Variants in DAPK2 observed in about 807,000 individuals in gnomAD.
The protein encoded by DAPK2 is death-associated protein kinase 2.
Under a neutral mutation model 44.1 loss-of-function variants are expected in DAPK2, and 35 were observed. The observed-to-expected ratio is 0.79, with a 90% CI of 0.61 to 1.05. The LOEUF (loss-of-function observed/expected upper bound fraction) is 1.05. Ranked by LOEUF, DAPK2 falls within the 50% of genes least tolerant of loss-of-function variation. DAPK2 has a pLI of 0.00. For missense variants in DAPK2, 453 were observed against 483.2 expected, an observed-to-expected ratio of 0.94 and a Z score of 0.59; for synonymous variants, 174 against 182.6, an observed-to-expected ratio of 0.95 and a Z score of 0.38.
chr15:63,981,089 CAA>C (rs57421161), intron 2 of DAPK2, among the ~76,000 whole-genome samples: 114,087 of 137,508 alleles, frequency 0.83, 47,527 homozygotes, highest in East Asian at 0.97. Flanking sequence ...GACTCCATCT[CAA>C]AAAAAAAAAA....
intron 4 of DAPK2, among the ~76,000 whole-genome samples, chr15:63,935,073 C>T (rs1251983303): frequency 7.2e-6 from 1 of 138,138 alleles, no homozygotes; most frequent in African/African-American, 2.6e-5. Flanking sequence ...ATTTGTTTTT[C>T]TTAAATCTTT....
At chr15:63,982,952 T>C (rs4776274) in intron 2 of DAPK2, among the ~76,000 whole-genome samples, 56,309 of 152,268 alleles carry the variant, frequency 0.37, 11,190 homozygotes, top group East Asian at 0.86. Flanking sequence ...TCTTTAAAGA[T>C]TGAACAAGAC....
intron 3 of DAPK2, among the ~76,000 whole-genome samples, chr15:63,947,996 A>G (rs2077492322): frequency 6.6e-6 from 1 of 152,146 alleles, no homozygotes; most frequent in Non-Finnish European, 1.5e-5. Flanking sequence ...TGATGGGCGC[A>G]GTGGCTCACG....
At position 63,916,969 on chromosome 15, in the gene DAPK2, G is replaced by C. The variant is rs2078944246; in HGVS notation, c.859-4772C>G. 1 of 152,218 alleles carries C rather than the reference G, an allele frequency of 6.6e-6. No individual in the cohort carries two copies. Among genetic ancestry groups the C allele is most frequent in the Non-Finnish European group, 1.5e-5 (1 of 68,054 alleles). The allele number at this position is 152,218 out of a possible 1,614,324, so 9.4% of individuals were successfully genotyped here. A position where few individuals can be genotyped will look rare whatever the true frequency, so the allele number is the denominator to read the frequency against. ...AACCAGCTGTAATGGGACACTGTTG[G>C]GAGTGGTGGGGACATGTGAGGATGG... On this transcript the variant is annotated intron_variant, in intron 8 of 10. Transcript: ENST00000261891. The surrounding 1 kb of genome is among the most constrained non-coding windows in gnomAD (Gnocchi z 4.7).
intron 1 of DAPK2, among the ~76,000 whole-genome samples, chr15:63,987,083 T>C (rs1317631734): frequency 6.6e-6 from 1 of 152,194 alleles, no homozygotes; most frequent in African/African-American, 2.4e-5. Context: ...GTTATGAATA[T>C]GCAAATCAAG....
In DAPK2 at chr15:63,990,726, G is replaced by A. The variant is rs76009831; in HGVS notation, c.93-6972C>T. 3.6e-3 allele frequency among the ~76,000 whole-genome samples: 546 copies of A among 152,268 alleles called. 28 individuals are homozygous for A. In the East Asian group the frequency reaches 0.089, roughly 25 times the overall value. ...TTTCCACTCTGGAGAACAATGAGCC[G>A]TGATTCCTCTGGAATTACCCTGCGA... On this transcript the variant is annotated intron_variant, in intron 1 of 10. Coordinates refer to ENST00000261891, the Ensembl canonical transcript of DAPK2. This position sits in a 1 kb window ranked among gnomAD's most constrained non-coding sequence, Gnocchi z 4.3.
At chr15:64,038,278 C>T (rs1372445235) in intron 1 of DAPK2, among the ~76,000 whole-genome samples, 1 of 152,146 alleles carries the variant, frequency 6.6e-6, no homozygotes, top group African/African-American at 2.4e-5. Context: ...GTCTTTGTAC[C>T]CACAGTACTC....
rs572111829 is a variant in DAPK2 at position 63,937,983 on chromosome 15, C to T, written c.583+1249G>A. On this transcript the variant is annotated intron_variant, in intron 4 of 10. Coordinates refer to ENST00000261891, the Ensembl canonical transcript of DAPK2. ...CCTTAACATCGCTGTGTCCCCCATA[C>T]ATCACCTAATATCTGTCATACAGTA... Among the ~76,000 whole-genome samples the T allele has an allele frequency of 3.9e-5, 6 of 152,282 alleles. No individual in the cohort carries two copies. In the South Asian group the frequency reaches 1.2e-3, roughly 32 times the overall value.
chr15:64,002,954 G>A (rs1462930957), intron 1 of DAPK2, among the ~76,000 whole-genome samples: 4 of 128,518 alleles, frequency 3.1e-5, no homozygotes, highest in African/African-American at 9.1e-5. Flanking sequence ...GTGTGTGTGT[G>A]TGTGTGTGTG....
At chr15:63,914,312 C>G (rs1040522279) in intron 8 of DAPK2, among the ~76,000 whole-genome samples, 2 of 152,132 alleles carry the variant, frequency 1.3e-5, no homozygotes, top group African/African-American at 4.8e-5. Flanking sequence ...GCTATTCACC[C>G]TCCGAAACTG....
At chr15:63,925,583 C>G (rs2079220306) in intron 7 of DAPK2, among the ~76,000 whole-genome samples, 1 of 151,972 alleles carries the variant, frequency 6.6e-6, no homozygotes, top group South Asian at 2.1e-4. Context: ...CTTGAAAACC[C>G]TGCCACTTAA....
At chr15:64,041,761 T>A (rs576152805), upstream of DAPK2, among the ~76,000 whole-genome samples, 1 of 152,256 alleles carries the variant, frequency 6.6e-6, no homozygotes, top group African/African-American at 2.4e-5. Context: ...CTGTCCTAAC[T>A]CTCAGCGGGT....
chr15:63,942,661 C>A (rs773062388), intron 3 of DAPK2, among the ~76,000 whole-genome samples: 1 of 152,254 alleles, frequency 6.6e-6, no homozygotes, highest in Non-Finnish European at 1.5e-5. Context: ...AGCCCCACCC[C>A]AAGCACCTAA....
chr15:63,957,553 G>A (rs971730413), intron 3 of DAPK2, among the ~76,000 whole-genome samples: 20 of 126,410 alleles, frequency 1.6e-4, no homozygotes, highest in East Asian at 1.4e-3. Context: ...TCCCCACCCC[G>A]TGTCCAAGTG....
intron 1 of DAPK2, among the ~76,000 whole-genome samples, chr15:64,016,469 A>C (rs924639109): frequency 9.2e-5 from 14 of 152,174 alleles, no homozygotes; most frequent in African/African-American, 3.1e-4. Context: ...GGGGTAAATA[A>C]TCGCTGCCTT....
At chr15:63,911,781 G>A in intron 10 of DAPK2, 127 bp downstream of exon 11, 1 of 910,660 alleles carries the variant, frequency 1.1e-6, no homozygotes, top group East Asian at 2.6e-5. Flanking sequence ...GAGGAGGACT[G>A]GGCCAGCAGA....
intron 8 of DAPK2, among the ~76,000 whole-genome samples, chr15:63,914,333 C>T (rs1475607620): frequency 6.6e-6 from 1 of 152,108 alleles, no homozygotes; most frequent in Non-Finnish European, 1.5e-5. Flanking sequence ...AAGCACAGTG[C>T]TTTTGGGCCA....
rs1175749756 is a variant in DAPK2, at chr15:63,991,356, A to G, written c.93-7602T>C. 2.2e-5 allele frequency: 10 copies of G among 455,914 alleles called. No homozygotes were observed. In the Admixed American group the frequency reaches 2.3e-4, roughly 11 times the overall value. 28.2% of individuals were successfully genotyped at this position (455,914 alleles called of 1,614,324 possible). ...AACAGAATGCCAGCCAAGAACCTGC[A>G]AACAGAAGAGGGCACAGGGCTGCCT... On this transcript the variant is annotated intron_variant, in intron 1 of 10. Coordinates refer to ENST00000261891, the Ensembl canonical transcript of DAPK2.
intron 1 of DAPK2, among the ~76,000 whole-genome samples, chr15:63,999,889 C>A (rs2079038741): frequency 6.6e-6 from 1 of 151,978 alleles, no homozygotes; most frequent in Admixed American, 6.5e-5. Context: ...CCTCAGCCTC[C>A]TGAGTAGGTA....
Sources: gnomAD v4.1 joint callset for allele counts (sites outside exome capture counted in the v4.1 genomes callset) on GRCh38, gnomAD v4.1.1 for gene constraint, Gnocchi (gnomAD v3.1) non-coding constraint, MANE v1.5 for transcripts, NCBI Gene and HGNC (gene_info 2026-07-23, HGNC 2026-07-21) for gene names.